KIRREL1: variants seen among roughly 807,000 people sequenced by gnomAD.
KIRREL1 encodes the protein kirre like nephrin family adhesion molecule 1, also known as kin of IRRE-like protein 1.
KIRREL1 carries 25 observed loss-of-function variants against 83.3 expected under a neutral mutation model. The observed-to-expected ratio is 0.30, with a 90% CI of 0.22 to 0.42. KIRREL1 has a LOEUF of 0.42. KIRREL1 is among the 10% of genes least tolerant of loss of function. The probability of loss-of-function intolerance (pLI) is 1.00; values close to 1 mark genes in which losing one functional copy is unlikely to be tolerated. For synonymous variants in KIRREL1, 388 were observed against 410.4 expected, an observed-to-expected ratio of 0.95 and a Z score of 0.66; for missense variants, 812 against 1,032.3, an observed-to-expected ratio of 0.79 and a Z score of 2.92.
intron 1 of KIRREL1, among the ~76,000 whole-genome samples, chr1:158,053,246 C>T (rs1660956161): frequency 6.6e-6 from 1 of 152,186 alleles, no homozygotes; most frequent in Admixed American, 6.5e-5. Context: ...CTCCATCCCC[C>T]AGTACAGCAC....
chr1:158,073,915 G>A (rs11264897), intron 1 of KIRREL1, among the ~76,000 whole-genome samples: 17,057 of 152,152 alleles, frequency 0.11, 1,163 homozygotes, highest in East Asian at 0.22. Flanking sequence ...AAAGCCATGC[G>A]TATAAATTCC....
In KIRREL1 at chr1:158,094,436, T is replaced by A. The variant is rs769192625; in HGVS notation, c.1797+46T>A. On this transcript the variant is annotated intron_variant, in intron 14 of 14. Transcript: ENST00000359209. The surrounding 1 kb of genome is among the most constrained non-coding windows in gnomAD (Gnocchi z 4.6). ...CAGGGCATGAGGGCTGGTGGGCCAG[T>A]GGGTTTCTGAGGTCCTGTAGCGGGG... 6.3e-7 allele frequency: 1 copy of A among 1,578,546 alleles called. No individual in the cohort carries two copies. The highest frequency in any genetic ancestry group is 1.7e-5 in the Admixed American group (1 of 57,990).
chr1:158,002,786 G>A (rs1348840150), intron 1 of KIRREL1, among the ~76,000 whole-genome samples: 2 of 152,110 alleles, frequency 1.3e-5, no homozygotes, highest in East Asian at 1.9e-4. Flanking sequence ...TGAGGCTCAG[G>A]GGCTGCGGGG....
intron 1 of KIRREL1, among the ~76,000 whole-genome samples, chr1:158,049,442 G>C (rs1660857705): frequency 6.6e-6 from 1 of 152,204 alleles, no homozygotes; most frequent in Non-Finnish European, 1.5e-5. Flanking sequence ...CGCACTGAGA[G>C]GATGGTTTGG....
intron 1 of KIRREL1, among the ~76,000 whole-genome samples, chr1:158,006,941 C>A (rs1313183569): frequency 6.6e-6 from 1 of 152,168 alleles, no homozygotes; most frequent in Non-Finnish European, 1.5e-5. Context: ...TGTCCTTGTC[C>A]CGCCTTGCCA....
At chr1:158,065,685 TC>T (rs949154086) in intron 1 of KIRREL1, among the ~76,000 whole-genome samples, 1 of 152,064 alleles carries the variant, frequency 6.6e-6, no homozygotes, top group Non-Finnish European at 1.5e-5. Context: ...TTCTCTTCTC[TC>T]CCTCCTTGGC....
intron 1 of KIRREL1, among the ~76,000 whole-genome samples, chr1:158,035,055 T>C (rs1336261754): frequency 1.3e-5 from 2 of 152,202 alleles, no homozygotes; most frequent in African/African-American, 2.4e-5. Flanking sequence ...TTTTCTTACC[T>C]CCTTTTCTTC....
chr1:158,064,136 C>T (rs1410639329), intron 1 of KIRREL1, among the ~76,000 whole-genome samples: 1 of 152,146 alleles, frequency 6.6e-6, no homozygotes, highest in African/African-American at 2.4e-5. Context: ...TGATGCACGA[C>T]TAAGATTACA....
intron 1 of KIRREL1, among the ~76,000 whole-genome samples, chr1:157,997,979 A>G (rs931068168): frequency 2.6e-5 from 4 of 152,056 alleles, no homozygotes; most frequent in Admixed American, 1.3e-4. Context: ...CCTAGGCTCA[A>G]GCCATTCTCC....
At chr1:158,073,735 A>G (rs1321127627) in intron 1 of KIRREL1, among the ~76,000 whole-genome samples, 4 of 151,974 alleles carry the variant, frequency 2.6e-5, no homozygotes, top group Non-Finnish European at 5.9e-5. Flanking sequence ...AGGTCACACC[A>G]CTCCTCATCT....
intron 1 of KIRREL1, among the ~76,000 whole-genome samples, chr1:158,041,186 G>C (rs940692821): frequency 1.3e-5 from 2 of 152,224 alleles, no homozygotes; most frequent in African/African-American, 4.8e-5. Flanking sequence ...AGTTGTGCTA[G>C]AGGGGAGAAC....
chr1:158,033,098 C>T lies in KIRREL1; in HGVS notation c.52+39370C>T, dbSNP rs562432772. ...GATCCTCACTTTCTTCTTTTTGAGACGGAGTTTCGCTGTTGTCACCCAGGC... is the reference window on the plus strand; with the variant it reads ...GATCCTCACTTTCTTCTTTTTGAGATGGAGTTTCGCTGTTGTCACCCAGGC... On this transcript the variant is annotated intron_variant, in intron 1 of 14. Coordinates refer to ENST00000359209, the MANE Select transcript of KIRREL1 (RefSeq NM_018240.7). 1.3e-3 allele frequency among the ~76,000 whole-genome samples: 190 copies of T among 151,300 alleles called. 1 individual carries two copies. The highest frequency in any genetic ancestry group is 4.3e-3 in the African/African-American group (179 of 41,264).
At chr1:158,032,306 G>A (rs1660349983) in intron 1 of KIRREL1, among the ~76,000 whole-genome samples, 1 of 152,164 alleles carries the variant, frequency 6.6e-6, no homozygotes, top group Non-Finnish European at 1.5e-5. Context: ...CTGTCTGGCT[G>A]AAGCAGGAAG....
rs1368552771 is a variant in KIRREL1 at position 158,100,226 on chromosome 1, T to G, written c.*5106T>G. The stretch of plus-strand genomic sequence containing the variant: ...ACACTATATATTATATATATTTAAT[T>G]TTTTTATATATATAAATATAAATGT... On this transcript the variant is annotated 3_prime_UTR_variant, in exon 15 of 15. Coordinates refer to ENST00000359209, the MANE Select transcript of KIRREL1 (RefSeq NM_018240.7). 1 of 148,852 alleles carries G rather than the reference T, an allele frequency of 6.7e-6. No individual in the cohort carries two copies. The highest frequency in any genetic ancestry group is 2.4e-5 in the African/African-American group (1 of 40,960). 9.2% of individuals were successfully genotyped at this position (148,852 alleles called of 1,614,324 possible).
chr1:158,012,552 G>A (rs1365652946), intron 1 of KIRREL1, among the ~76,000 whole-genome samples: 2 of 152,062 alleles, frequency 1.3e-5, no homozygotes, highest in Non-Finnish European at 2.9e-5. Flanking sequence ...TTGGTGTGGT[G>A]TAATAAAAAG....
chr1:158,020,454 C>T (rs1163149477), intron 1 of KIRREL1, among the ~76,000 whole-genome samples: 1 of 152,026 alleles, frequency 6.6e-6, no homozygotes, highest in Non-Finnish European at 1.5e-5. Context: ...ATCATACATT[C>T]TGTTTTAATC....
intron 1 of KIRREL1, among the ~76,000 whole-genome samples, chr1:158,045,425 C>A (rs758230920): frequency 6.6e-6 from 1 of 152,250 alleles, no homozygotes; most frequent in Non-Finnish European, 1.5e-5. Context: ...GTTCCCACAA[C>A]CCCTTTGGGA....
intron 1 of KIRREL1, among the ~76,000 whole-genome samples, chr1:158,042,909 T>TA (rs34934306): frequency 0.72 from 87,616 of 121,844 alleles, 32,078 homozygotes; most frequent in East Asian, 0.96. Context: ...CCGTCTCTAC[T>TA]AAAAAAAAAA....
At chr1:158,078,873 G>A (rs111592373) in intron 3 of KIRREL1, among the ~76,000 whole-genome samples, 16 of 152,280 alleles carry the variant, frequency 1.1e-4, no homozygotes, top group African/African-American at 3.4e-4. Context: ...GGTAACCCCC[G>A]AGGCCATTTG....
Sources: gnomAD v4.1 joint callset for allele counts (sites outside exome capture counted in the v4.1 genomes callset) on GRCh38, gnomAD v4.1.1 for gene constraint, Gnocchi (gnomAD v3.1) non-coding constraint, MANE v1.5 for transcripts, NCBI Gene and HGNC (gene_info 2026-07-23, HGNC 2026-07-21) for gene names.